Variants in FRMPD1 observed in about 807,000 individuals in gnomAD.
FRMPD1 encodes FERM and PDZ domain containing 1, also known as FERM and PDZ domain-containing protein 1.
Under a neutral mutation model 117.8 loss-of-function variants are expected in FRMPD1, and 76 were observed. The observed-to-expected ratio is 0.65, with a 90% confidence interval of 0.54 to 0.78. FRMPD1 has a LOEUF of 0.78. FRMPD1 is among the 30% of genes least tolerant of loss of function. The pLI is 0.00. For synonymous variants in FRMPD1, 783 were observed against 770.4 expected (o/e 1.02, Z -0.27); for missense variants, 1,786 against 1,964.5 (o/e 0.91, Z 1.72).
At chr9:37,654,777 C>A (rs1390671919) in intron 1 of FRMPD1, among the ~76,000 whole-genome samples, 1 of 152,218 alleles carries the variant, frequency 6.6e-6, no homozygotes, top group East Asian at 1.9e-4. Context: ...ATTATCCTCA[C>A]AGTTATCGGG....
intron 1 of FRMPD1, among the ~76,000 whole-genome samples, chr9:37,657,669 C>T (rs1820881351): frequency 6.6e-6 from 1 of 152,210 alleles, no homozygotes; most frequent in Admixed American, 6.5e-5. Flanking sequence ...TGGTTATTTT[C>T]AGTACTTAGC....
intron 1 of FRMPD1, among the ~76,000 whole-genome samples, chr9:37,672,865 A>G (rs1421899771): frequency 1.3e-5 from 2 of 152,190 alleles, no homozygotes; most frequent in Non-Finnish European, 2.9e-5. Context: ...AGACTAGCAT[A>G]GGAAAGACCA....
the FRMPD1 span, among the ~76,000 whole-genome samples, chr9:37,638,064 CTTCTTTTCTT>C: frequency 8.1e-5 from 7 of 86,604 alleles, no homozygotes; most frequent in African/African-American, 1.8e-4. Context: ...TCTTTCTTTC[CTTCTTTTCTT>C]TTCTTTTCTT....
At chr9:37,646,420 A>G (rs1824141478), upstream of FRMPD1, among the ~76,000 whole-genome samples, 1 of 152,180 alleles carries the variant, frequency 6.6e-6, no homozygotes, top group African/African-American at 2.4e-5. Context: ...CCATTCCTCC[A>G]TTCTGCTGAG....
chr9:37,677,468 T>A (rs1821570284), intron 1 of FRMPD1, among the ~76,000 whole-genome samples: 1 of 152,248 alleles, frequency 6.6e-6, no homozygotes, highest in Non-Finnish European at 1.5e-5. Flanking sequence ...GAGGACTTTC[T>A]TTGTGCCATG....
chr9:37,627,647 T>C, the FRMPD1 span, among the ~76,000 whole-genome samples: 1 of 150,912 alleles, frequency 6.6e-6, no homozygotes, highest in Non-Finnish European at 1.5e-5. Context: ...CTAATTTTTA[T>C]TTTTTTTATA....
the FRMPD1 span, among the ~76,000 whole-genome samples, chr9:37,634,101 T>G: frequency 6.6e-6 from 1 of 152,302 alleles, no homozygotes; most frequent in Middle Eastern, 3.4e-3. Context: ...ATATATTAAT[T>G]TATCAATTTT....
Position 37,667,062 on chromosome 9 carries a change from C to CTTTTTTTTTTTTTTTTTT in FRMPD1, c.-5+15984_-5+15985insTTTTTTTTTTTTTTTTTT, listed in dbSNP as rs573955616. 6.2e-4 allele frequency among the ~76,000 whole-genome samples: 69 copies of CTTTTTTTTTTTTTTTTTT among 111,034 alleles called. 10 individuals are homozygous for CTTTTTTTTTTTTTTTTTT. Among genetic ancestry groups the CTTTTTTTTTTTTTTTTTT allele is most frequent in the African/African-American group, 2.3e-3 (57 of 25,310 alleles). 72.8% of individuals were successfully genotyped at this position (111,034 alleles called of 152,430 possible). A position where few individuals can be genotyped will look rare whatever the true frequency, so the allele number is the denominator to read the frequency against. ...GGAAAAGAGAGACAATTGAAGCATG[C>CTTTTTTTTTTTTTTTTTT]TTTTTTTTTTTTTTTTCCTGAGACA... On this transcript the variant is annotated intron_variant, in intron 1 of 15. Transcript: ENST00000377765.
In FRMPD1 at chr9:37,692,722, C is replaced by T; in HGVS notation, c.81C>T (p.Arg27=). ...IEQMVARWLR[R]SRDSSARAKV... Reference sequence around the variant, plus strand: ...AAATGGTGGCAAGATGGCTTCGGCGCTCCCGGGACAGCTCGGCCCGGTAAG... The same window carrying T: ...AAATGGTGGCAAGATGGCTTCGGCGTTCCCGGGACAGCTCGGCCCGGTAAG... The change falls in exon 2 of 16, where the codon CGC becomes CGT. Residue 27 remains arginine (R), a synonymous_variant. Coordinates refer to ENST00000377765, the MANE Select transcript of FRMPD1 (RefSeq NM_014907.3). 6.2e-7 allele frequency: 1 copy of T among 1,613,532 alleles called. No individual in the cohort carries two copies. The highest frequency in any genetic ancestry group is 8.5e-7 in the Non-Finnish European group (1 of 1,179,442).
intron 1 of FRMPD1, among the ~76,000 whole-genome samples, chr9:37,687,217 G>A (rs549060862): frequency 1.2e-4 from 18 of 152,292 alleles, no homozygotes; most frequent in African/African-American, 4.3e-4. Flanking sequence ...GTCTGAGCTG[G>A]AGTCCCCCAC....
At chr9:37,642,782 A>G in the FRMPD1 span, among the ~76,000 whole-genome samples, 1 of 152,102 alleles carries the variant, frequency 6.6e-6, no homozygotes, top group African/African-American at 2.4e-5. Flanking sequence ...GTGTATTTAG[A>G]TTATTTACAT....
intron 15 of FRMPD1, among the ~76,000 whole-genome samples, chr9:37,741,242 C>G (rs1824399735): frequency 6.6e-6 from 1 of 151,988 alleles, no homozygotes; most frequent in African/African-American, 2.4e-5. Context: ...TATGTCATCA[C>G]TGATCCTGAG....
chr9:37,681,166 TG>T (rs1185652380), intron 1 of FRMPD1, among the ~76,000 whole-genome samples: 3 of 134,090 alleles, frequency 2.2e-5, no homozygotes, highest in Admixed American at 8.9e-5. Flanking sequence ...TGAGCCAAGA[TG>T]GGGCCACTGC....
intron 1 of FRMPD1, among the ~76,000 whole-genome samples, chr9:37,680,162 C>G (rs189210061): frequency 6.6e-6 from 1 of 152,092 alleles, no homozygotes; most frequent in African/African-American, 2.4e-5. Context: ...CTGTAGCTCT[C>G]GAAGGGCCAT....
chr9:37,649,480 A>G (rs1343246664), upstream of FRMPD1, among the ~76,000 whole-genome samples: 1 of 152,198 alleles, frequency 6.6e-6, no homozygotes, highest in Non-Finnish European at 1.5e-5. Flanking sequence ...GGGCTGGGGC[A>G]CTGACAGAAA....
At chr9:37,687,518 G>A (rs1821992069) in intron 1 of FRMPD1, among the ~76,000 whole-genome samples, 1 of 152,108 alleles carries the variant, frequency 6.6e-6, no homozygotes, top group South Asian at 2.1e-4. Context: ...GGCCCAACTG[G>A]GGCAGTTGAT....
the FRMPD1 span, among the ~76,000 whole-genome samples, chr9:37,640,930 G>A: frequency 4.6e-5 from 7 of 152,068 alleles, no homozygotes; most frequent in Non-Finnish European, 8.8e-5. Context: ...ACCCAGGTTG[G>A]AGTGCAATGG....
chr9:37,744,468 C>T lies in FRMPD1; in HGVS notation c.2436C>T (p.Ser812=), dbSNP rs1824580819. 1 of 1,614,080 alleles carries T rather than the reference C, an allele frequency of 6.2e-7. No individual in the cohort carries two copies. Among genetic ancestry groups the T allele is most frequent in the South Asian group, 1.1e-5 (1 of 91,076 alleles). The change falls in exon 16 of 16, where the codon AGC becomes AGT. Residue 812 remains serine (S), a synonymous_variant. Transcript: ENST00000377765. The part of the protein sequence containing the change: ...NKASTSSPEN[S]LPCGPDGRQP... Reference sequence around the variant, plus strand: ...CCAGCACTTCTAGCCCTGAGAACAGCCTGCCTTGTGGGCCAGATGGAAGAC... The same window carrying T: ...CCAGCACTTCTAGCCCTGAGAACAGTCTGCCTTGTGGGCCAGATGGAAGAC...
In FRMPD1 at chr9:37,746,126, C is replaced by G; in HGVS notation, c.4094C>G (p.Pro1365Arg). The change falls in exon 16 of 16, where the codon CCC becomes CGC. Residue 1365 changes from proline (P) to arginine (R), a missense_variant. Transcript: ENST00000377765. Reference protein sequence around the residue: ...DRDLEAHPMAPLTSPPSAGSP... With the variant: ...DRDLEAHPMARLTSPPSAGSP... ...GACTTGGAAGCACACCCCATGGCCCCCCTCACCTCACCGCCCTCTGCGGGA... is the reference window on the plus strand; with the variant it reads ...GACTTGGAAGCACACCCCATGGCCCGCCTCACCTCACCGCCCTCTGCGGGA... 6.2e-7 allele frequency: 1 copy of G among 1,614,124 alleles called. No homozygotes were observed. Among genetic ancestry groups the G allele is most frequent in the Non-Finnish European group, 8.5e-7 (1 of 1,180,024 alleles).
Sources: allele counts gnomAD v4.1 joint callset (sites outside exome capture counted in the v4.1 genomes callset), GRCh38; gene constraint gnomAD v4.1.1; transcripts MANE v1.5; gene names NCBI Gene and HGNC (gene_info 2026-07-23, HGNC 2026-07-21).